The following PAN3 variants were observed in gnomAD, a reference collection of about 807,000 sequenced individuals.
PAN3 encodes the protein PAN2-PAN3 deadenylation complex subunit PAN3.
In PAN3, 19 loss-of-function variants were observed where a neutral mutation model predicts 96.2. The observed-to-expected ratio is 0.20, with a 90% CI of 0.14 to 0.29. The LOEUF is 0.29. Among genes scored for constraint, PAN3 ranks in the 10% least tolerant of loss-of-function variants. The probability of loss-of-function intolerance (pLI) is 1.00; values close to 1 mark genes in which losing one functional copy is unlikely to be tolerated. For synonymous variants in PAN3, 433 were observed against 406.6 expected (o/e 1.06, Z -0.78); for missense variants, 882 against 1,108.1 (o/e 0.80, Z 2.90).
At chr13:28,168,366 C>A (rs1873855227) in intron 1 of PAN3, among the ~76,000 whole-genome samples, 2 of 152,080 alleles carry the variant, frequency 1.3e-5, no homozygotes, top group African/African-American at 4.8e-5. Context: ...GTTTTTGGTT[C>A]CAGATTAGGG....
chr13:28,198,766 C>G (rs1472862363), intron 5 of PAN3, among the ~76,000 whole-genome samples: 1 of 152,136 alleles, frequency 6.6e-6, no homozygotes, highest in African/African-American at 2.4e-5. Flanking sequence ...ATGTACATAC[C>G]ACACACAGAA....
chr13:28,170,858 G>A (rs762076152), intron 1 of PAN3, among the ~76,000 whole-genome samples: 11 of 151,922 alleles, frequency 7.2e-5, no homozygotes, highest in Non-Finnish European at 1.5e-4. Flanking sequence ...GTGTAATGGT[G>A]CGATCTTGGC....
chr13:28,168,684 A>T (rs181256284), intron 1 of PAN3, among the ~76,000 whole-genome samples: 6 of 151,558 alleles, frequency 4.0e-5, no homozygotes, highest in African/African-American at 1.5e-4. Flanking sequence ...GTGCCACTGC[A>T]TTCCAGCCTG....
chr13:28,274,677 G>T (rs1413097321), intron 14 of PAN3, among the ~76,000 whole-genome samples: 1 of 152,020 alleles, frequency 6.6e-6, no homozygotes, highest in African/African-American at 2.4e-5. Context: ...GTCAGGATAT[G>T]CCTTCATTCA....
In PAN3 at chr13:28,138,856, C is replaced by T. The variant is rs757928675; in HGVS notation, c.199C>T (p.Leu67=). 1 of 1,426,722 alleles carries T rather than the reference C, an allele frequency of 7.0e-7. No individual in the cohort carries two copies. Among genetic ancestry groups the T allele is most frequent in the African/African-American group, 1.5e-5 (1 of 67,490 alleles). The allele number at this position is 1,426,722 out of a possible 1,614,324, so 88.4% of individuals were successfully genotyped here. Residue 67 remains leucine (L), a synonymous_variant, in exon 1 of 19, where the codon CTG becomes TTG. Transcript: ENST00000380958. ...TCFYGEECQF[L]HEDPAAGAAP... ...CTTCTACGGGGAGGAGTGTCAGTTC[C>T]TGCATGAGGACCCTGCCGCCGGGGC...
intron 17 of PAN3, among the ~76,000 whole-genome samples, chr13:28,281,732 T>C (rs1289711448): frequency 1.3e-5 from 2 of 151,884 alleles, no homozygotes; most frequent in Non-Finnish European, 2.9e-5. Flanking sequence ...AAATCTCTAA[T>C]TTTTGCATGC....
intron 14 of PAN3, among the ~76,000 whole-genome samples, chr13:28,275,449 TCTG>T (rs568316086): frequency 1.7e-3 from 257 of 152,270 alleles, no homozygotes; most frequent in African/African-American, 6.0e-3. Flanking sequence ...AACTGAAAAT[TCTG>T]CTGCTTGAAG....
intron 5 of PAN3, among the ~76,000 whole-genome samples, chr13:28,211,989 T>C (rs1880089874): frequency 6.6e-6 from 1 of 152,164 alleles, no homozygotes; most frequent in South Asian, 2.1e-4. Context: ...GGCAATACTA[T>C]ACAAGAAAAC....
chr13:28,183,328 A>G lies in PAN3; in HGVS notation c.690+5393A>G, dbSNP rs1200896163. Among the ~76,000 whole-genome samples, 3 of 152,236 alleles carry G rather than the reference A, an allele frequency of 2.0e-5. No individual in the cohort carries two copies. The East Asian group carries it at 5.8e-4, about 29-fold the overall frequency. ...TAGATTTCCAGTAAGCCACATCATT[A>G]TCTTTTACCCATTGAGTATTGTTCA... is the stretch of plus-strand genomic sequence containing the variant. On this transcript the variant is annotated intron_variant, in intron 4 of 18. Transcript: ENST00000380958.
At chr13:28,235,696 T>TACACACACAC (rs34812975) in intron 6 of PAN3, among the ~76,000 whole-genome samples, 1,445 of 140,688 alleles carry the variant, frequency 0.01, 11 homozygotes, top group African/African-American at 0.025. Flanking sequence ...CACACACACA[T>TACACACACAC]ACACACACAC....
At chr13:28,155,624 G>A (rs144647970) in intron 1 of PAN3, among the ~76,000 whole-genome samples, 6 of 152,058 alleles carry the variant, frequency 3.9e-5, no homozygotes, top group Admixed American at 6.6e-5. Flanking sequence ...AAGATGTATC[G>A]GACATGGCCC....
At chr13:28,235,340 A>G (rs1429801390) in intron 6 of PAN3, among the ~76,000 whole-genome samples, 1 of 152,214 alleles carries the variant, frequency 6.6e-6, no homozygotes, top group African/African-American at 2.4e-5. Context: ...CTATTAAAAT[A>G]CTGCCATCTT....
intron 6 of PAN3, among the ~76,000 whole-genome samples, chr13:28,229,134 T>C (rs1882291095): frequency 6.6e-6 from 1 of 152,216 alleles, no homozygotes; most frequent in African/African-American, 2.4e-5. Flanking sequence ...TAAACTATTT[T>C]AAGCAGCTTG....
intron 1 of PAN3, among the ~76,000 whole-genome samples, chr13:28,139,551 T>TGTGTGTGTGTGTGG (rs60579592): frequency 3.4e-5 from 3 of 86,994 alleles, no homozygotes; most frequent in African/African-American, 4.2e-5. Context: ...TGTGTGTGTG[T>TGTGTGTGTGTGTGG]AGGGGGCGGG....
chr13:28,139,122 C>T, intron 1 of PAN3, 35 bp downstream of exon 1: 1 of 1,276,908 alleles, frequency 7.8e-7, no homozygotes, highest in Non-Finnish European at 9.9e-7. Flanking sequence ...GCCGCGGCGG[C>T]GGAGGGCAGG....
intron 5 of PAN3, among the ~76,000 whole-genome samples, chr13:28,205,377 C>G (rs936386215): frequency 1.3e-5 from 2 of 152,150 alleles, no homozygotes; most frequent in Admixed American, 1.3e-4. Flanking sequence ...TGGACCTCCT[C>G]TTCTCTCTAG....
chr13:28,263,977 C>T (rs781401391), intron 9 of PAN3, among the ~76,000 whole-genome samples: 3 of 152,200 alleles, frequency 2.0e-5, no homozygotes, highest in African/African-American at 4.8e-5. Context: ...TATCCCTTCC[C>T]GCGTAACATT....
intron 6 of PAN3, among the ~76,000 whole-genome samples, chr13:28,221,210 G>A (rs1881368508): frequency 6.6e-6 from 1 of 151,964 alleles, no homozygotes; most frequent in African/African-American, 2.4e-5. Flanking sequence ...GGAAAGTAAG[G>A]TGGTATGCAC....
intron 5 of PAN3, among the ~76,000 whole-genome samples, chr13:28,200,516 T>G (rs1878569851): frequency 1.3e-5 from 2 of 152,216 alleles, no homozygotes; most frequent in African/African-American, 4.8e-5. Context: ...GCATTTATTC[T>G]CTTCAGTGCT....
Sources: gnomAD v4.1 joint callset for allele counts (sites outside exome capture counted in the v4.1 genomes callset) on GRCh38, gnomAD v4.1.1 for gene constraint, MANE v1.5 for transcripts, NCBI Gene and HGNC (gene_info 2026-07-23, HGNC 2026-07-21) for gene names.